MICU1: variants seen among roughly 807,000 people sequenced by gnomAD.
MICU1 encodes calcium uptake protein 1, mitochondrial.
MICU1 carries 45 observed loss-of-function variants against 56.8 expected under a neutral mutation model. That is an observed-to-expected ratio of 0.79 (90% CI 0.62 to 1.02). The LOEUF (loss-of-function observed/expected upper bound fraction) is 1.02, where lower values mean the gene tolerates loss of function less well. Ranked by LOEUF, MICU1 falls within the 50% of genes least tolerant of loss-of-function variation. The probability of loss-of-function intolerance (pLI) is 0.00; values close to 1 mark genes in which losing one functional copy is unlikely to be tolerated. For synonymous variants in MICU1, 186 were observed against 195.1 expected (o/e 0.95, Z 0.39); for missense variants, 504 against 587.1 (o/e 0.86, Z 1.46).
At chr10:72,448,193 A>ATTTTTTTTTTTT (rs71018289) in intron 8 of MICU1, among the ~76,000 whole-genome samples, 1 of 36,816 alleles carries the variant, frequency 2.7e-5, no homozygotes, top group African/African-American at 1.0e-4. Context: ...ATATATATAT[A>ATTTTTTTTTTTT]TTTTTTTTTT....
chr10:72,497,574 C>G (rs1443284896), intron 6 of MICU1, among the ~76,000 whole-genome samples: 1 of 152,136 alleles, frequency 6.6e-6, no homozygotes, highest in Non-Finnish European at 1.5e-5. Flanking sequence ...TAAATATCAT[C>G]AATTATTGAG....
chr10:72,492,821 A>G (rs144171004), intron 6 of MICU1, among the ~76,000 whole-genome samples: 28 of 149,950 alleles, frequency 1.9e-4, no homozygotes, highest in African/African-American at 6.9e-4. Flanking sequence ...ATAAAATAAA[A>G]TAAAATGTAT....
At chr10:72,526,819 A>C (rs371140825) in intron 5 of MICU1, among the ~76,000 whole-genome samples, 95 of 151,988 alleles carry the variant, frequency 6.3e-4, no homozygotes, top group African/African-American at 2.2e-3. Flanking sequence ...ACCTCTTAAA[A>C]ATTTTACTAC....
At chr10:72,418,924 C>T (rs1260972761) in intron 9 of MICU1, among the ~76,000 whole-genome samples, 3 of 152,160 alleles carry the variant, frequency 2.0e-5, no homozygotes, top group Non-Finnish European at 4.4e-5. Context: ...AATCTCGTTG[C>T]TAACACAGGC....
intron 1 of MICU1, among the ~76,000 whole-genome samples, chr10:72,583,688 A>G (rs1830047279): frequency 6.6e-6 from 1 of 152,222 alleles, no homozygotes; most frequent in Non-Finnish European, 1.5e-5. Flanking sequence ...GTACTGTACA[A>G]CTAAGATACT....
intron 4 of MICU1, among the ~76,000 whole-genome samples, chr10:72,547,548 T>TATAA (rs764432059): frequency 6.7e-6 from 1 of 150,152 alleles, no homozygotes; most frequent in African/African-American, 2.4e-5. Context: ...TATATATATA[T>TATAA]ATAAAGTCTA....
At chr10:72,599,622 T>C (rs991779078) in intron 1 of MICU1, among the ~76,000 whole-genome samples, 1 of 152,176 alleles carries the variant, frequency 6.6e-6, no homozygotes, top group Non-Finnish European at 1.5e-5. Context: ...GCAATTCAGA[T>C]TTGTTAAAGA....
chr10:72,479,607 C>T (rs915573010), intron 6 of MICU1, among the ~76,000 whole-genome samples: 5 of 152,180 alleles, frequency 3.3e-5, no homozygotes, highest in African/African-American at 1.2e-4. Context: ...TAGCTCAATG[C>T]AACCTCAGAC....
intron 1 of MICU1, among the ~76,000 whole-genome samples, chr10:72,579,146 G>C (rs1241740700): frequency 9.2e-5 from 14 of 152,090 alleles, no homozygotes; most frequent in Admixed American, 9.2e-4. Flanking sequence ...ATTTTTCTAT[G>C]TATTTACATA....
rs186855587 is a variant in MICU1 at position 72,594,257 on chromosome 10, G to C, written c.-1-27463C>G. 4.2e-4 allele frequency among the ~76,000 whole-genome samples: 64 copies of C among 152,228 alleles called. No individual in the cohort carries two copies. The East Asian group carries it at 8.1e-3, about 19-fold the overall frequency. The stretch of plus-strand genomic sequence containing the variant: ...AGAGTGTCAAGATCATTCAATGAGG[G>C]AAAGGACAAATATAAGCATACTGAA... On this transcript the variant is annotated intron_variant, in intron 1 of 11. Transcript: ENST00000361114.
intron 1 of MICU1, chr10:72,582,658 T>C (rs1019960799): frequency 1.3e-5 from 2 of 152,176 alleles, no homozygotes; most frequent in Non-Finnish European, 2.9e-5. Flanking sequence ...CACAAGCCTG[T>C]ATTCTCCACT....
At chr10:72,539,980 C>T (rs1839730106) in intron 4 of MICU1, among the ~76,000 whole-genome samples, 1 of 151,968 alleles carries the variant, frequency 6.6e-6, no homozygotes, top group African/African-American at 2.4e-5. Context: ...CTGAAAATAA[C>T]TTCTTGGCTG....
At chr10:72,575,912 T>C (rs1474586916) in intron 1 of MICU1, among the ~76,000 whole-genome samples, 2 of 152,110 alleles carry the variant, frequency 1.3e-5, no homozygotes, top group Non-Finnish European at 2.9e-5. Flanking sequence ...CATCTCACTT[T>C]CAATCAAAAG....
At chr10:72,412,255 G>T (rs976910248) in intron 9 of MICU1, among the ~76,000 whole-genome samples, 3 of 152,228 alleles carry the variant, frequency 2.0e-5, no homozygotes, top group African/African-American at 7.2e-5. Flanking sequence ...ATTGCAAATT[G>T]AGTTGTTTGG....
chr10:72,597,220 T>A (rs1409324155), intron 1 of MICU1, among the ~76,000 whole-genome samples: 1 of 152,222 alleles, frequency 6.6e-6, no homozygotes, highest in Non-Finnish European at 1.5e-5. Context: ...CCTTGAGGAA[T>A]ACTCAATTAC....
chr10:72,506,615 G>T (rs1054719404), intron 6 of MICU1, among the ~76,000 whole-genome samples: 36 of 152,064 alleles, frequency 2.4e-4, no homozygotes, highest in African/African-American at 8.7e-4. Flanking sequence ...AACCAAGACA[G>T]ATTTCCACTA....
intron 8 of MICU1, among the ~76,000 whole-genome samples, chr10:72,424,089 ATCAACCTATAACAG>A (rs1864267138): frequency 6.6e-6 from 1 of 151,160 alleles, no homozygotes; most frequent in Non-Finnish European, 1.5e-5. Context: ...TTACTTTTGT[ATCAACCTATAACAG>A]TGACCATTTC....
chr10:72,371,030 CAAA>C (rs565154008), intron 11 of MICU1, among the ~76,000 whole-genome samples: 2 of 145,180 alleles, frequency 1.4e-5, no homozygotes, highest in African/African-American at 5.1e-5. Context: ...GACTCTGTCT[CAAA>C]AAAAAAGAAA....
chr10:72,410,937 AG>A (rs1256077735), intron 9 of MICU1, among the ~76,000 whole-genome samples: 6 of 152,232 alleles, frequency 3.9e-5, no homozygotes, highest in Non-Finnish European at 8.8e-5. Flanking sequence ...TGCCATCAAA[AG>A]ACACATAAAG....
Sources: gnomAD v4.1 joint callset for allele counts (sites outside exome capture counted in the v4.1 genomes callset) on GRCh38, gnomAD v4.1.1 for gene constraint, MANE v1.5 for transcripts, NCBI Gene and HGNC (gene_info 2026-07-23, HGNC 2026-07-21) for gene names.